Variants in ZNF81 observed in about 807,000 individuals in gnomAD.
ZNF81 encodes the protein zinc finger protein 81.
Under a neutral mutation model 32.3 loss-of-function variants are expected in ZNF81, and 5 were observed. That is an observed-to-expected ratio of 0.15 (90% CI 0.08 to 0.33). ZNF81 has a LOEUF of 0.33. Among genes scored for constraint, ZNF81 ranks in the 10% least tolerant of loss-of-function variants. The pLI, the probability that ZNF81 is intolerant of heterozygous loss-of-function variation, is 1.00. For synonymous variants in ZNF81, 163 were observed against 166.8 expected (o/e 0.98, Z 0.17); for missense variants, 379 against 479.8 (o/e 0.79, Z 1.96).
In ZNF81 at chrX:47,895,913, G is replaced by T. The variant is rs782776139; in HGVS notation, c.250G>T (p.Gly84Trp). 8.3e-7 allele frequency: 1 copy of T among 1,210,089 alleles called. No homozygotes were observed. Reference protein sequence around the residue: ...EQGEGPWTLEGEAPHQSCSDG... With the variant: ...EQGEGPWTLEWEAPHQSCSDG... ...AGGAGAGGGGCCATGGACATTGGAA[G>T]GGGAAGCCCCACATCAGAGCTGTTC... The change falls in exon 4 of 5, where the codon GGG becomes TGG. Residue 84 changes from glycine (G) to tryptophan (W), a missense_variant. Around this residue, in one of 2 missense-constraint regions of ZNF81, gnomAD observed 277 missense variants for 306.6 expected, o/e 0.90. Coordinates refer to ENST00000338637, the MANE Select transcript of ZNF81 (RefSeq NM_007137.5).
chrX:47,848,213 C>A (rs1409046927), intron 2 of ZNF81, among the ~76,000 whole-genome samples: 2 of 112,096 alleles, frequency 1.8e-5, no homozygotes, highest in East Asian at 5.6e-4. Context: ...CCATGCCCGG[C>A]CTAGAAATCA....
chrX:47,841,325 T>G, intron 1 of ZNF81: 1 of 634,932 alleles, frequency 1.6e-6, no homozygotes, highest in South Asian at 2.2e-5. Flanking sequence ...ATTTTTAGGT[T>G]CTGGGAGGTA....
rs990453389 is a variant in ZNF81, at chrX:47,919,752, C to T, written c.*3120C>T. ...TGAGTTCTCCACCCACATTACCTAA[C>T]TACCACCCAAAGGCTCCACCTCCTA... On this transcript the variant is annotated 3_prime_UTR_variant, in exon 5 of 5. Coordinates refer to ENST00000338637, the MANE Select transcript of ZNF81 (RefSeq NM_007137.5). 2 of 111,867 alleles carry T rather than the reference C, an allele frequency of 1.8e-5. No homozygotes were observed. Among genetic ancestry groups the T allele is most frequent in the Non-Finnish European group, 3.7e-5 (2 of 53,348 alleles). 9.2% of individuals were successfully genotyped at this position (111,867 alleles called of 1,213,427 possible).
intron 4 of ZNF81, among the ~76,000 whole-genome samples, chrX:47,904,010 G>A (rs1294367519): frequency 9.0e-6 from 1 of 110,526 alleles, no homozygotes; most frequent in East Asian, 2.8e-4. Flanking sequence ...CTAGCCATAT[G>A]TTGAAAGCTG....
At chrX:47,843,053 T>C (rs1385484377) in intron 1 of ZNF81, among the ~76,000 whole-genome samples, 2 of 112,483 alleles carry the variant, frequency 1.8e-5, no homozygotes, top group Non-Finnish European at 3.8e-5. Flanking sequence ...TTTAAACACC[T>C]TCCTATCTGG....
intron 4 of ZNF81, among the ~76,000 whole-genome samples, chrX:47,914,110 C>T (rs1394476670): frequency 2.7e-5 from 3 of 111,308 alleles, no homozygotes; most frequent in Admixed American, 9.5e-5. Context: ...CTAGATCTTT[C>T]CCCTGAAAAC....
intron 2 of ZNF81, 73 bp downstream of exon 2, chrX:47,846,394 T>A: frequency 9.0e-7 from 1 of 1,114,645 alleles, no homozygotes. Flanking sequence ...TACCTCATAG[T>A]TTTCATTTCT....
intron 1 of ZNF81, chrX:47,840,905 A>T: frequency 2.2e-6 from 1 of 444,513 alleles, no homozygotes; most frequent in Non-Finnish European, 3.9e-6. Flanking sequence ...CCCCCCAAAA[A>T]TAAAAACACA....
At chrX:47,843,644 T>G (rs782684814) in intron 1 of ZNF81, among the ~76,000 whole-genome samples, 13 of 111,683 alleles carry the variant, frequency 1.2e-4, no homozygotes, top group Non-Finnish European at 1.9e-4. Flanking sequence ...CACCTCAGTC[T>G]TCCTGAATAG....
intron 4 of ZNF81, among the ~76,000 whole-genome samples, chrX:47,912,577 G>T (rs1182543407): frequency 9.3e-6 from 1 of 107,898 alleles, no homozygotes; most frequent in Non-Finnish European, 1.9e-5. Flanking sequence ...GACTAAAATA[G>T]TAAGGAATTG....
chrX:47,861,519 G>T (rs999632050), intron 2 of ZNF81, among the ~76,000 whole-genome samples: 20 of 111,698 alleles, frequency 1.8e-4, no homozygotes, highest in Non-Finnish European at 1.5e-4. Context: ...TAATTATTCT[G>T]TCAGAGGCTA....
rs138047520 is a variant in ZNF81, at chrX:47,895,083, G to A, written c.182-762G>A. Among the ~76,000 whole-genome samples, 33 of 111,552 alleles carry A rather than the reference G, an allele frequency of 3.0e-4. No individual in the cohort carries two copies. The East Asian group carries it at 8.7e-3, about 30-fold the overall frequency. On this transcript the variant is annotated intron_variant, in intron 3 of 4. Transcript: ENST00000338637. The stretch of plus-strand genomic sequence containing the variant: ...GATGGGGTGAATGTATTGTGCATGT[G>A]AGAAGGAAATGAATTTTGGGGGACT...
At chrX:47,884,886 C>T (rs1409335238) in intron 2 of ZNF81, among the ~76,000 whole-genome samples, 1 of 111,445 alleles carries the variant, frequency 9.0e-6, no homozygotes, top group Non-Finnish European at 1.9e-5. Context: ...AACATGTTGG[C>T]CCCCCAAAAT....
Position 47,916,410 on chromosome X carries a change from G to C in ZNF81, c.1764G>C (p.Glu588Asp). ...AGCCTTATAAATGTCCTGACTGTGA[G>C]AAATCCTTCTCCAAGAAACCACATC... Reference protein sequence around the residue: ...TEKPYKCPDCEKSFSKKPHLK... With the variant: ...TEKPYKCPDCDKSFSKKPHLK... Residue 588 changes from glutamate to aspartate, a missense_variant, in exon 5 of 5, where the codon GAG (glutamate) becomes GAC (aspartate). Physicochemically the swap from Glu to Asp is conservative, Grantham distance 45 (BLOSUM62 2). Around this residue, in one of 2 missense-constraint regions of ZNF81, gnomAD observed 102 missense variants for 173.2 expected, o/e 0.59. Transcript: ENST00000338637. 2 of 1,211,421 alleles carry C rather than the reference G, an allele frequency of 1.7e-6. No individual in the cohort carries two copies. Among genetic ancestry groups the C allele is most frequent in the Non-Finnish European group, 2.2e-6 (2 of 895,421 alleles).
chrX:47,915,790 G>A lies in ZNF81; in HGVS notation c.1144G>A (p.Gly382Arg). The A allele has an allele frequency of 5.8e-6, 7 of 1,211,412 alleles. No individual in the cohort carries two copies. The highest frequency in any genetic ancestry group is 7.8e-6 in the Non-Finnish European group (7 of 895,428). ...ACTCAGGCATCAGACAACTCATACT[G>A]GAGAAAAACTCTTTGAATGCAGTGA... is the stretch of plus-strand genomic sequence containing the variant. ...SLLRHQTTHTGEKLFECSECG... is the reference protein window; with the variant it reads ...SLLRHQTTHTREKLFECSECG... Residue 382 changes from glycine to arginine, a missense_variant, in exon 5 of 5, where the codon GGA becomes AGA. Gly to Arg is a moderately radical substitution (Grantham distance 125). This residue lies in a region of ZNF81 where 277 missense variants were observed against 306.6 expected (regional missense o/e 0.90). Coordinates refer to ENST00000338637, the MANE Select transcript of ZNF81 (RefSeq NM_007137.5).
At chrX:47,870,621 A>AGGG (rs2058576510) in intron 2 of ZNF81, among the ~76,000 whole-genome samples, 1 of 112,593 alleles carries the variant, frequency 8.9e-6, no homozygotes, top group Non-Finnish European at 1.9e-5. Flanking sequence ...ACTTTTGAAG[A>AGGG]GGGCAAAACT....
intron 3 of ZNF81, 135 bp from the exon 4 acceptor site, chrX:47,895,710 A>AT (rs2058677370): frequency 1.9e-6 from 1 of 527,732 alleles, no homozygotes; most frequent in African/African-American, 2.3e-5. Flanking sequence ...GTCCTCCTTG[A>AT]CTTGTCTGAG....
At chrX:47,869,028 A>T (rs1421725284) in intron 2 of ZNF81, among the ~76,000 whole-genome samples, 1 of 111,194 alleles carries the variant, frequency 9.0e-6, no homozygotes, top group Non-Finnish European at 1.9e-5. Flanking sequence ...CGATGTCTTT[A>T]CAACTATCAG....
chrX:47,915,224 A>G lies in ZNF81; in HGVS notation c.578A>G (p.Asp193Gly). ...ILSQKRPHKR[D>G]SFGKSFKHNL... ...TCACAGAAAAGACCCCATAAACGTGATTCATTTGGGAAGAGTTTTAAGCAT... is the reference window on the plus strand; with the variant it reads ...TCACAGAAAAGACCCCATAAACGTGGTTCATTTGGGAAGAGTTTTAAGCAT... Residue 193 changes from aspartate (D) to glycine (G), a missense_variant, in exon 5 of 5, where the codon GAT (aspartate) becomes GGT (glycine). Physicochemically the swap from Asp to Gly is moderately conservative, Grantham distance 94. This residue lies in a region of ZNF81 where 277 missense variants were observed against 306.6 expected (regional missense o/e 0.90). Coordinates refer to ENST00000338637, the MANE Select transcript of ZNF81 (RefSeq NM_007137.5). The G allele has an allele frequency of 8.3e-7, 1 of 1,209,521 alleles. No individual in the cohort carries two copies. The highest frequency in any genetic ancestry group is 1.1e-6 in the Non-Finnish European group (1 of 894,268).
Sources: allele counts gnomAD v4.1 joint callset (sites outside exome capture counted in the v4.1 genomes callset), GRCh38; gene constraint gnomAD v4.1.1; regional missense constraint gnomAD v4.1.1; transcripts MANE v1.5; gene names NCBI Gene and HGNC (gene_info 2026-07-23, HGNC 2026-07-21).